The following CLASP2 variants were observed in gnomAD, a reference collection of about 807,000 sequenced individuals.
CLASP2 encodes cytoplasmic linker associated protein 2.
Under a neutral mutation model 194.4 loss-of-function variants are expected in CLASP2, and 47 were observed. The ratio of observed to expected loss-of-function variants is 0.24; its 90% CI spans 0.19 to 0.31. The LOEUF (loss-of-function observed/expected upper bound fraction) is 0.31. Among genes scored for constraint, CLASP2 ranks in the 10% least tolerant of loss-of-function variants. The pLI is 1.00. For missense variants in CLASP2, 1,445 were observed against 1,823.6 expected (o/e 0.79, Z 3.78); for synonymous variants, 619 against 633.5 (o/e 0.98, Z 0.34).
chr3:33,642,501 C>T (rs1213341287), intron 8 of CLASP2, among the ~76,000 whole-genome samples: 1 of 151,774 alleles, frequency 6.6e-6, no homozygotes. Flanking sequence ...TTGATTATGT[C>T]CATGTGTAGT....
chr3:33,657,588 G>T (rs963442738), intron 7 of CLASP2, among the ~76,000 whole-genome samples: 2 of 144,126 alleles, frequency 1.4e-5, no homozygotes, highest in African/African-American at 2.5e-5. Context: ...ATTAGGTTTG[G>T]TTTTTTTTTT....
At chr3:33,672,138 T>A (rs895367523) in intron 6 of CLASP2, among the ~76,000 whole-genome samples, 8 of 152,204 alleles carry the variant, frequency 5.3e-5, no homozygotes, top group Non-Finnish European at 1.2e-4. Flanking sequence ...GCAGACTGCC[T>A]CCTCAAGTGG....
At chr3:33,524,873 T>C (rs924372092) in intron 34 of CLASP2, among the ~76,000 whole-genome samples, 11 of 152,082 alleles carry the variant, frequency 7.2e-5, no homozygotes, top group African/African-American at 2.4e-4. Flanking sequence ...ACAATAATAG[T>C]TGGACTCTCA....
intron 6 of CLASP2, among the ~76,000 whole-genome samples, chr3:33,665,201 TAGA>T (rs1190667424): frequency 6.6e-6 from 1 of 151,998 alleles, no homozygotes; most frequent in Admixed American, 6.6e-5. Context: ...GGCTATAGAT[TAGA>T]AGAACAGGAG....
intron 16 of CLASP2, 43 bp downstream of exon 16, chr3:33,606,548 G>A (rs761292800): frequency 2.0e-6 from 3 of 1,515,312 alleles, no homozygotes; most frequent in Non-Finnish European, 2.7e-6. Context: ...TCAGGGAGTT[G>A]AGGAGAGGAA....
At chr3:33,614,950 C>T (rs57149133) in intron 12 of CLASP2, among the ~76,000 whole-genome samples, 12,005 of 152,042 alleles carry the variant, frequency 0.079, 510 homozygotes, top group Admixed American at 0.1. Flanking sequence ...GAGATGGTGC[C>T]ACTGGAGTGA....
intron 32 of CLASP2, among the ~76,000 whole-genome samples, chr3:33,542,798 G>C (rs1176121880): frequency 6.6e-5 from 10 of 151,770 alleles, no homozygotes; most frequent in Admixed American, 6.6e-4. Context: ...CTTATACTGA[G>C]TAGTATAATG....
At chr3:33,691,390 A>G (rs899787681) in intron 2 of CLASP2, among the ~76,000 whole-genome samples, 1 of 152,204 alleles carries the variant, frequency 6.6e-6, no homozygotes, top group Admixed American at 6.5e-5. Context: ...CAAAACTGAT[A>G]TAGTAATGAA....
intron 1 of CLASP2, among the ~76,000 whole-genome samples, chr3:33,705,898 A>G (rs752673779): frequency 1.3e-5 from 2 of 152,202 alleles, no homozygotes; most frequent in African/African-American, 4.8e-5. Context: ...CAAAGTTGGG[A>G]AAAGTATGTA....
chr3:33,592,218 T>C (rs773429359), intron 21 of CLASP2, 177 bp downstream of exon 21: 1 of 709,112 alleles, frequency 1.4e-6, no homozygotes, highest in Non-Finnish European at 2.6e-6. Context: ...AATACCTTCA[T>C]TTTTGTCAGG....
intron 12 of CLASP2, among the ~76,000 whole-genome samples, chr3:33,616,074 AAAT>A (rs1331723107): frequency 1.1e-4 from 17 of 152,086 alleles, no homozygotes; most frequent in Admixed American, 8.5e-4. Context: ...TAGAAAAATT[AAAT>A]AATCTCACTA....
chr3:33,627,244 A>C, intron 9 of CLASP2, 164 bp from the exon 10 acceptor site: 2 of 626,610 alleles, frequency 3.2e-6, no homozygotes, highest in Non-Finnish European at 2.9e-6. Context: ...ATAACACAAA[A>C]TGCTTTATTT....
intron 36 of CLASP2, 136 bp downstream of exon 36, chr3:33,515,887 C>T: frequency 2.7e-6 from 2 of 733,968 alleles, no homozygotes; most frequent in Non-Finnish European, 4.0e-6. Flanking sequence ...AATATGCTTG[C>T]ATCTCGATCA....
chr3:33,613,551 C>T (rs553200918), intron 12 of CLASP2, among the ~76,000 whole-genome samples: 2 of 152,342 alleles, frequency 1.3e-5, no homozygotes, highest in Non-Finnish European at 2.9e-5. Context: ...CCACAGCTAA[C>T]TCAACCAAAA....
chr3:33,608,463 C>T (rs2074372523), intron 14 of CLASP2, 104 bp downstream of exon 14: 1 of 901,408 alleles, frequency 1.1e-6, no homozygotes, highest in Non-Finnish European at 1.8e-6. Flanking sequence ...GTACAAATAA[C>T]CTTTGAAGCA....
chr3:33,645,248 G>A, intron 7 of CLASP2: 1 of 765,172 alleles, frequency 1.3e-6, no homozygotes, highest in Admixed American at 1.7e-5. Flanking sequence ...AGCACGCCCT[G>A]CCTTATTCCT....
chr3:33,513,068 C>T (rs549496777), intron 36 of CLASP2, among the ~76,000 whole-genome samples: 1 of 152,220 alleles, frequency 6.6e-6, no homozygotes, highest in Admixed American at 6.6e-5. Flanking sequence ...GGGCTAATTT[C>T]AGCTTTAATA....
At position 33,496,454 on chromosome 3, in the gene CLASP2, T is replaced by G. The variant is rs1160350628; in HGVS notation, c.*2177A>C. On this transcript the variant is annotated 3_prime_UTR_variant, in exon 39 of 39. Coordinates refer to ENST00000682230, the MANE Select transcript of CLASP2 (RefSeq NM_001365631.1). ...GTATATAGTGATTTAAATAATCAGC[T>G]TTCTTATAGTCTTATCAACTGAGAT... 6.6e-6 allele frequency: 1 copy of G among 152,186 alleles called. No homozygotes were observed. The highest frequency in any genetic ancestry group is 2.4e-5 in the African/African-American group (1 of 41,462). 9.4% of individuals were successfully genotyped at this position (152,186 alleles called of 1,614,324 possible). A position where few individuals can be genotyped will look rare whatever the true frequency, so the allele number is the denominator to read the frequency against.
At position 33,496,790 on chromosome 3, in the gene CLASP2, T is replaced by C. The variant is rs1403366848; in HGVS notation, c.*1841A>G. On this transcript the variant is annotated 3_prime_UTR_variant, in exon 39 of 39. Coordinates refer to ENST00000682230, the MANE Select transcript of CLASP2 (RefSeq NM_001365631.1). Reference sequence around the variant, plus strand: ...GAGAAGAGTTGTGTTTAAAATGCATTTTCTTCTTACAGATAAGCTGTAATA... The same window carrying C: ...GAGAAGAGTTGTGTTTAAAATGCATCTTCTTCTTACAGATAAGCTGTAATA... The C allele has an allele frequency of 6.6e-6, 1 of 152,198 alleles. No individual in the cohort carries two copies. Among genetic ancestry groups the C allele is most frequent in the Non-Finnish European group, 1.5e-5 (1 of 68,012 alleles). 9.4% of individuals were successfully genotyped at this position (152,198 alleles called of 1,614,324 possible).
Sources: allele counts gnomAD v4.1 joint callset (sites outside exome capture counted in the v4.1 genomes callset), GRCh38; gene constraint gnomAD v4.1.1; transcripts MANE v1.5; gene names NCBI Gene and HGNC (gene_info 2026-07-23, HGNC 2026-07-21).